The following LRRC9 variants were observed in gnomAD, a reference collection of about 807,000 sequenced individuals.
LRRC9 encodes the protein leucine rich repeat containing 9.
Under a neutral mutation model 63.2 loss-of-function variants are expected in LRRC9, and 122 were observed. That is an observed-to-expected ratio of 1.93 (90% confidence interval 1.67 to 2.24). The LOEUF is 2.24. Ranked by LOEUF, LRRC9 falls within the 30% of genes most tolerant of loss-of-function variation. The pLI, the probability that LRRC9 is intolerant of heterozygous loss-of-function variation, is 0.00. For synonymous variants in LRRC9, 366 were observed against 213.1 expected (o/e 1.72, Z -6.25); for missense variants, 1,071 against 627.7 (o/e 1.71, Z -7.55).
intron 26 of LRRC9, 136 bp downstream of exon 26, chr14:60,019,396 C>T (rs1312408476): frequency 2.1e-6 from 1 of 480,086 alleles, no homozygotes; most frequent in Non-Finnish European, 3.7e-6. Flanking sequence ...TATTTAATAG[C>T]TACATGCCAA....
chr14:59,995,662 T>C (rs1403404258), intron 17 of LRRC9, among the ~76,000 whole-genome samples: 1 of 152,042 alleles, frequency 6.6e-6, no homozygotes, highest in Non-Finnish European at 1.5e-5. Context: ...GAATCTGTTT[T>C]ATATCCTGAA....
chr14:60,032,044 T>C, exon 29 of LRRC9: 1 of 700,792 alleles, frequency 1.4e-6, no homozygotes, highest in Non-Finnish European at 2.6e-6. Context: ...CTCAGGGAGC[T>C]TACAGTGTAT....
chr14:60,014,537 T>A lies in LRRC9; in HGVS notation c.3187-2123T>A, dbSNP rs540445386. 8.6e-4 allele frequency among the ~76,000 whole-genome samples: 131 copies of A among 152,224 alleles called. 1 individual carries two copies. Among genetic ancestry groups the A allele is most frequent in the African/African-American group, 3.1e-3 (128 of 41,574 alleles). ...TTTTCTCTGGATATAGAATTCTGGG[T>A]TGATGTTTCTCTTTCACCACTTGAA... On this transcript the variant is annotated intron_variant, in intron 23 of 31. Coordinates refer to ENST00000445360, the Ensembl canonical transcript of LRRC9.
chr14:60,009,942 C>A (rs779353496), intron 23 of LRRC9, among the ~76,000 whole-genome samples: 4 of 152,212 alleles, frequency 2.6e-5, no homozygotes, highest in Non-Finnish European at 4.4e-5. Context: ...ATGCAAGAGG[C>A]GGGCTCCCAC....
intron 17 of LRRC9, among the ~76,000 whole-genome samples, chr14:59,997,161 A>C (rs1361500337): frequency 6.6e-6 from 1 of 152,030 alleles, no homozygotes; most frequent in East Asian, 1.9e-4. Context: ...ATATTTTCCA[A>C]ATTTCCAACA....
In LRRC9 at chr14:60,022,954, G is replaced by C. The variant is rs540382222; in HGVS notation, c.3703+84G>C. On this transcript the variant is annotated intron_variant, in intron 27 of 31. Coordinates refer to ENST00000445360, the Ensembl canonical transcript of LRRC9. Reference sequence around the variant, plus strand: ...ATTCTGTTTTGATAAGCAAATATAAGCATCAGTATTTACTCAAACATTCAT... The same window carrying C: ...ATTCTGTTTTGATAAGCAAATATAACCATCAGTATTTACTCAAACATTCAT... 9 of 430,284 alleles carry C rather than the reference G, an allele frequency of 2.1e-5. No homozygotes were observed. The South Asian group carries it at 3.3e-4, about 16-fold the overall frequency. 26.7% of individuals were successfully genotyped at this position (430,284 alleles called of 1,614,324 possible). A position where few individuals can be genotyped will look rare whatever the true frequency, so the allele number is the denominator to read the frequency against.
At chr14:60,022,025 G>T (rs1303310664) in intron 26 of LRRC9, among the ~76,000 whole-genome samples, 2 of 151,730 alleles carry the variant, frequency 1.3e-5, no homozygotes, top group Admixed American at 6.6e-5. Context: ...GAGTGGGGGG[G>T]ATGTCTTCTG....
rs12436890 is a variant in LRRC9 at position 59,953,811 on chromosome 14, T to C, written c.883-6007T>C. ...GGTTTTGGGTTTTACATTTAAGTCT[T>C]TGATTCATCTTGAGTTACATTTTGT... On this transcript the variant is annotated intron_variant, in intron 8 of 31. Transcript: ENST00000445360. Among the ~76,000 whole-genome samples, 259 of 152,352 alleles carry C rather than the reference T, an allele frequency of 1.7e-3. 2 individuals carry two copies. Among genetic ancestry groups the C allele is most frequent in the Admixed American group, 0.014 (211 of 15,300 alleles).
intron 29 of LRRC9, among the ~76,000 whole-genome samples, chr14:60,046,769 A>G (rs1180770186): frequency 6.6e-6 from 1 of 151,744 alleles, no homozygotes; most frequent in Non-Finnish European, 1.5e-5. Context: ...CTTTTTAAAA[A>G]TAGTTTCCAT....
At chr14:60,021,880 T>C (rs758410837) in intron 26 of LRRC9, among the ~76,000 whole-genome samples, 1 of 151,926 alleles carries the variant, frequency 6.6e-6, no homozygotes, top group Non-Finnish European at 1.5e-5. Context: ...ACTGGTTTGA[T>C]TACTGTGGTT....
intron 31 of LRRC9, among the ~76,000 whole-genome samples, chr14:60,061,500 C>CT: frequency 6.6e-6 from 1 of 152,246 alleles, no homozygotes; most frequent in African/African-American, 2.4e-5. Context: ...CTACTGCACA[C>CT]TTAATAGACT....
Position 60,043,369 on chromosome 14 carries a change from T to C in LRRC9, c.3991-9696T>C, listed in dbSNP as rs541434633. 3.3e-5 allele frequency among the ~76,000 whole-genome samples: 5 copies of C among 152,294 alleles called. No individual in the cohort carries two copies. The South Asian group carries it at 1.0e-3, about 32-fold the overall frequency. On this transcript the variant is annotated intron_variant, in intron 29 of 31. Coordinates refer to ENST00000445360, the Ensembl canonical transcript of LRRC9. ...AGTAAAAGTGGGCATTCTTGTCTTG[T>C]TCCAGTCTTTAAAGCAAAGGCCTTC... is the stretch of plus-strand genomic sequence containing the variant.
At chr14:59,965,920 A>AAAAAAAAAAAT (rs1274886982) in intron 10 of LRRC9, among the ~76,000 whole-genome samples, 2 of 136,384 alleles carry the variant, frequency 1.5e-5, no homozygotes, top group African/African-American at 2.8e-5. Context: ...AAAAAAAAAA[A>AAAAAAAAAAAT]GATACTGGTG....
At chr14:59,974,242 T>C (rs941133189) in intron 12 of LRRC9, among the ~76,000 whole-genome samples, 4 of 152,100 alleles carry the variant, frequency 2.6e-5, no homozygotes, top group African/African-American at 9.7e-5. Context: ...CATTAGATTT[T>C]CTTTTTGGAG....
chr14:60,025,050 G>A (rs922002106), intron 27 of LRRC9, among the ~76,000 whole-genome samples: 3 of 149,902 alleles, frequency 2.0e-5, no homozygotes, highest in South Asian at 2.1e-4. Context: ...TGTTTTTTTC[G>A]GTTGGTTTTT....
At chr14:60,032,624 T>A (rs999512806) in intron 29 of LRRC9, among the ~76,000 whole-genome samples, 2 of 152,198 alleles carry the variant, frequency 1.3e-5, no homozygotes, top group African/African-American at 4.8e-5. Context: ...GTTCACCCAA[T>A]TTCTAAACAG....
chr14:59,997,545 C>T, intron 17 of LRRC9, 111 bp from the exon 18 acceptor site: 1 of 555,566 alleles, frequency 1.8e-6, no homozygotes, highest in Non-Finnish European at 3.2e-6. Context: ...TTTATGTGTC[C>T]TGTGAGGATT....
At chr14:59,955,011 T>A (rs1445428108) in intron 8 of LRRC9, among the ~76,000 whole-genome samples, 1 of 152,208 alleles carries the variant, frequency 6.6e-6, no homozygotes, top group African/African-American at 2.4e-5. Context: ...TCGTGGTGGA[T>A]AAACTTTTTG....
intron 8 of LRRC9, among the ~76,000 whole-genome samples, chr14:59,952,321 G>A (rs1239662746): frequency 2.6e-4 from 39 of 152,168 alleles, no homozygotes; most frequent in Admixed American, 3.3e-4. Context: ...GACCCCTTGC[G>A]CTTCCCAGGT....
Sources: allele counts gnomAD v4.1 joint callset (sites outside exome capture counted in the v4.1 genomes callset), GRCh38; gene constraint gnomAD v4.1.1; transcripts MANE v1.5; gene names NCBI Gene and HGNC (gene_info 2026-07-23, HGNC 2026-07-21).